UBA7: variants seen among roughly 807,000 people sequenced by gnomAD.
UBA7 encodes the protein ubiquitin like modifier activating enzyme 7.
UBA7 carries 88 observed loss-of-function variants against 113.0 expected under a neutral mutation model. The ratio of observed to expected loss-of-function variants is 0.78; its 90% CI spans 0.66 to 0.93. The LOEUF (loss-of-function observed/expected upper bound fraction) is 0.93. Ranked by LOEUF, UBA7 falls within the 40% of genes least tolerant of loss-of-function variation. The pLI, the probability that UBA7 is intolerant of heterozygous loss-of-function variation, is 0.00. For missense variants in UBA7, 1,092 were observed against 1,266.4 expected (o/e 0.86, Z 2.09); for synonymous variants, 459 against 513.0 (o/e 0.89, Z 1.42).
At position 49,812,745 on chromosome 3, in the gene UBA7, T is replaced by C. The variant is rs756934787; in HGVS notation, c.468-7A>G. The C allele has an allele frequency of 6.2e-7, 1 of 1,614,022 alleles. No individual in the cohort carries two copies. Among genetic ancestry groups the C allele is most frequent in the East Asian group, 2.2e-5 (1 of 44,878 alleles). On this transcript the variant is annotated splice_region_variant and splice_polypyrimidine_tract_variant and intron_variant, in intron 4 of 23. Coordinates refer to ENST00000333486, the MANE Select transcript of UBA7 (RefSeq NM_003335.3). ...AAAGTCACAGAACAACTGCCTGAGA[T>C]GGGGTGGTAGGGGTCACTGAGGTGG...
intron 19 of UBA7, 62 bp from the exon 20 acceptor site, chr3:49,808,174 G>A: frequency 6.3e-7 from 1 of 1,587,400 alleles, no homozygotes; most frequent in Non-Finnish European, 8.6e-7. Flanking sequence ...GTGGCCCACT[G>A]CGTGTCACTG....
chr3:49,808,133 T>C, intron 19 of UBA7, 21 bp from the exon 20 acceptor site: 1 of 1,612,910 alleles, frequency 6.2e-7, no homozygotes, highest in Non-Finnish European at 8.5e-7. Context: ...CAAGTCAAAG[T>C]AGTGTTAACA....
At chr3:49,806,823 A>T (rs2108298800) in intron 21 of UBA7, among the ~76,000 whole-genome samples, 2 of 151,952 alleles carry the variant, frequency 1.3e-5, no homozygotes, top group African/African-American at 4.8e-5. Context: ...TAGAGGTGAG[A>T]TGGGGGCTTC....
intron 8 of UBA7, 89 bp downstream of exon 8, chr3:49,811,781 T>C: frequency 1.3e-6 from 2 of 1,575,772 alleles, no homozygotes; most frequent in Non-Finnish European, 1.7e-6. Context: ...GAGATCAGAC[T>C]TGGATTTGTG....
chr3:49,807,675 T>C lies in UBA7; in HGVS notation c.2715+61A>G, dbSNP rs919741404. 2 of 1,531,326 alleles carry C rather than the reference T, an allele frequency of 1.3e-6. No individual in the cohort carries two copies. Among genetic ancestry groups the C allele is most frequent in the African/African-American group, 1.4e-5 (1 of 72,444 alleles). The allele number at this position is 1,531,326 out of a possible 1,614,324, so 94.9% of individuals were successfully genotyped here. ...GCCGGCAGCTAGATTGGGGCCTGTATGGGCAGGTGCAGGGGAAACCCAGGC... is the reference window on the plus strand; with the variant it reads ...GCCGGCAGCTAGATTGGGGCCTGTACGGGCAGGTGCAGGGGAAACCCAGGC... On this transcript the variant is annotated intron_variant, in intron 21 of 23. Coordinates refer to ENST00000333486, the MANE Select transcript of UBA7 (RefSeq NM_003335.3). This position sits in a 1 kb window ranked among gnomAD's most constrained non-coding sequence, Gnocchi z 4.0.
intron 2 of UBA7, 34 bp downstream of exon 2, chr3:49,813,445 G>A: frequency 1.2e-6 from 2 of 1,609,148 alleles, no homozygotes. Context: ...CCCCCACCTT[G>A]GTCTGGCAGC....
Position 49,806,259 on chromosome 3 carries a change from T to C in UBA7, c.2716-94A>G, listed in dbSNP as rs571547042. On this transcript the variant is annotated intron_variant, in intron 21 of 23. Transcript: ENST00000333486. ...GCCTTTCCTAGGGGAAGAGCTGGAC[T>C]AGCAGGAAACAGGAGCCAGGGGGTG... 9.6e-4 allele frequency: 936 copies of C among 977,402 alleles called. 10 individuals are homozygous for C. In the African/African-American group the frequency reaches 0.014, roughly 14 times the overall value. 60.5% of individuals were successfully genotyped at this position (977,402 alleles called of 1,614,324 possible). A position where few individuals can be genotyped will look rare whatever the true frequency, so the allele number is the denominator to read the frequency against.
chr3:49,811,695 G>A, intron 8 of UBA7, 175 bp downstream of exon 8: 1 of 1,213,778 alleles, frequency 8.2e-7, no homozygotes, highest in East Asian at 2.4e-5. Context: ...AGGGGTCGGG[G>A]TGTAGCAGGA....
intron 17 of UBA7, 102 bp downstream of exon 17, chr3:49,809,286 GCT>G: frequency 6.5e-7 from 1 of 1,535,750 alleles, no homozygotes; most frequent in Non-Finnish European, 8.9e-7. Flanking sequence ...CACAAGCATG[GCT>G]CTCTCTGGGC....
intron 21 of UBA7, among the ~76,000 whole-genome samples, chr3:49,806,520 G>C (rs1437910649): frequency 6.6e-6 from 1 of 152,094 alleles, no homozygotes; most frequent in Non-Finnish European, 1.5e-5. Flanking sequence ...CTGGGAGCTG[G>C]GGGGCACATC....
chr3:49,806,403 A>C (rs2081454228), intron 21 of UBA7: 5 of 577,580 alleles, frequency 8.7e-6, no homozygotes, highest in Non-Finnish European at 1.2e-5. Flanking sequence ...GATCCATCAC[A>C]TGGGCCAGTT....
Position 49,810,944 on chromosome 3 carries a change from G to C in UBA7, c.1230+40C>G, listed in dbSNP as rs748881559. On this transcript the variant is annotated intron_variant, in intron 10 of 23. Transcript: ENST00000333486. The surrounding 1 kb of genome is among the most constrained non-coding windows in gnomAD (Gnocchi z 5.6). ...TTCCTCATGCTTCTCCCCTAGTCCT[G>C]ATTTTGGACAAGGCTTGCACCCCTA... 1 of 1,611,622 alleles carries C rather than the reference G, an allele frequency of 6.2e-7. No homozygotes were observed. Among genetic ancestry groups the C allele is most frequent in the Non-Finnish European group, 8.5e-7 (1 of 1,177,862 alleles).
At position 49,809,579 on chromosome 3, in the gene UBA7, C is replaced by A; in HGVS notation, c.2051G>T (p.Gly684Val). The A allele has an allele frequency of 6.2e-7, 1 of 1,614,126 alleles. No individual in the cohort carries two copies. The part of the protein sequence containing the change: ...LGHWKLCFHY[G>V]IKQLLRHFPP... ...GAAGTGCCTCAGCAGCTGTTTGATG[C>A]CATAATGAAAGCAGAGTTTCCAGTG... is the stretch of plus-strand genomic sequence containing the variant. Residue 684 changes from glycine (G) to valine (V), a missense_variant, in exon 16 of 24, where the codon GGC (glycine) becomes GTC (valine). Gly to Val is a moderately radical substitution (Grantham distance 109). Around this residue, in one of 3 missense-constraint regions of UBA7, gnomAD observed 500 missense variants for 529.3 expected, o/e 0.94. Transcript: ENST00000333486.
intron 8 of UBA7, 62 bp from the exon 9 acceptor site, chr3:49,811,517 CT>C: frequency 6.5e-7 from 1 of 1,539,958 alleles, no homozygotes. Flanking sequence ...GACTCAAATC[CT>C]TCCAGCCACC....
In UBA7 at chr3:49,811,889, G is replaced by A; in HGVS notation, c.920C>T (p.Pro307Leu). 6.2e-7 allele frequency: 1 copy of A among 1,613,806 alleles called. No individual in the cohort carries two copies. Among genetic ancestry groups the A allele is most frequent in the Non-Finnish European group, 8.5e-7 (1 of 1,180,024 alleles). Reference protein sequence around the residue: ...LHKFQHLHGRPPQPWDPVDAE... With the variant: ...LHKFQHLHGRLPQPWDPVDAE... The stretch of plus-strand genomic sequence containing the variant: ...ACTCACAGGATCCCAGGGCTGGGGT[G>A]GCCGGCCATGGAGGTGCTGGAACTT... Residue 307 changes from proline (P) to leucine (L), a missense_variant, in exon 8 of 24, where the codon CCA (proline) becomes CTA (leucine). This residue lies in a region of UBA7 where 584 missense variants were observed against 714.5 expected (regional missense o/e 0.82). Coordinates refer to ENST00000333486, the MANE Select transcript of UBA7 (RefSeq NM_003335.3).
At position 49,810,967 on chromosome 3, in the gene UBA7, C is replaced by G. The variant is rs2081535094; in HGVS notation, c.1230+17G>C. 3.7e-6 allele frequency: 6 copies of G among 1,613,538 alleles called. No individual in the cohort carries two copies. In the African/African-American group the frequency reaches 6.7e-5, roughly 18 times the overall value. The stretch of plus-strand genomic sequence containing the variant: ...CTGATTTTGGACAAGGCTTGCACCC[C>G]TATCCCAGGCTCTCACCAGGGCACA... On this transcript the variant is annotated intron_variant, in intron 10 of 23. Transcript: ENST00000333486. This position sits in a 1 kb window ranked among gnomAD's most constrained non-coding sequence, Gnocchi z 5.6.
intron 8 of UBA7, 198 bp downstream of exon 8, chr3:49,811,672 C>T (rs1242424556): frequency 2.7e-6 from 3 of 1,127,362 alleles, no homozygotes; most frequent in African/African-American, 3.1e-5. Context: ...GTGCAGCTTC[C>T]AGCACAGATC....
chr3:49,807,970 CCAGGGTTTGCCCT>C lies in UBA7; in HGVS notation c.2523+37_2524-44del, dbSNP rs1165930459. On this transcript the variant is annotated intron_variant, in intron 20 of 23. Transcript: ENST00000333486. The surrounding 1 kb of genome is among the most constrained non-coding windows in gnomAD (Gnocchi z 4.0). ...TTTGGTCTGGGCCCAAGGCGTAGGGCCAGGGTTTGCCCTCCACCTCCAGGCCCAAGCCTCAAGG... is the reference window on the plus strand; with the variant it reads ...TTTGGTCTGGGCCCAAGGCGTAGGGCCCACCTCCAGGCCCAAGCCTCAAGG... 1 of 1,614,022 alleles carries C rather than the reference CCAGGGTTTGCCCT, an allele frequency of 6.2e-7. No homozygotes were observed. Among genetic ancestry groups the C allele is most frequent in the Admixed American group, 1.7e-5 (1 of 60,000 alleles).
chr3:49,811,823 C>T, intron 8 of UBA7, 47 bp downstream of exon 8: 3 of 1,604,708 alleles, frequency 1.9e-6, no homozygotes, highest in Non-Finnish European at 2.6e-6. Flanking sequence ...CAGGTGGGAC[C>T]CCAATAAATG....
Sources: gnomAD v4.1 joint callset for allele counts (sites outside exome capture counted in the v4.1 genomes callset) on GRCh38, gnomAD v4.1.1 for gene constraint, gnomAD v4.1.1 regional missense constraint, Gnocchi (gnomAD v3.1) non-coding constraint, MANE v1.5 for transcripts, NCBI Gene and HGNC (gene_info 2026-07-23, HGNC 2026-07-21) for gene names.